The following MTMR12 variants were observed in gnomAD, a reference collection of about 807,000 sequenced individuals.
MTMR12 encodes myotubularin-related protein 12.
A neutral mutation model predicts 96.7 loss-of-function variants in MTMR12; 33 were observed. That is an observed-to-expected ratio of 0.34 (90% CI 0.26 to 0.46). The LOEUF is 0.46. Among genes scored for constraint, MTMR12 ranks in the 20% least tolerant of loss-of-function variants. The probability of loss-of-function intolerance (pLI) is 1.00; values close to 1 mark genes in which losing one functional copy is unlikely to be tolerated. For synonymous variants in MTMR12, 298 were observed against 327.2 expected, an observed-to-expected ratio of 0.91 and a Z score of 0.96; for missense variants, 721 against 896.1, an observed-to-expected ratio of 0.80 and a Z score of 2.49.
intron 1 of MTMR12, among the ~76,000 whole-genome samples, chr5:32,283,222 C>T (rs1455309869): frequency 6.6e-6 from 1 of 152,188 alleles, no homozygotes; most frequent in Non-Finnish European, 1.5e-5. Context: ...TTCTTAGTGG[C>T]ATTACAAATT....
Position 32,255,726 on chromosome 5 carries a change from C to G in MTMR12, c.756G>C (p.Glu252Asp). ...CATGACCCTGAAAGCGCTGCACATT[C>G]TCTTCAGGAAGAGGGGTGGGGACAA... ...YFVVPTPLPE[E>D]NVQRFQGHGI... is the part of the protein sequence containing the mutation. Residue 252 changes from glutamate (E) to aspartate (D), a missense_variant, in exon 8 of 16, where the codon GAG becomes GAC. Glu to Asp is a conservative substitution (Grantham distance 45, BLOSUM62 2). Coordinates refer to ENST00000382142, the MANE Select transcript of MTMR12 (RefSeq NM_001040446.3). The G allele has an allele frequency of 6.2e-7, 1 of 1,613,062 alleles. No homozygotes were observed. The highest frequency in any genetic ancestry group is 8.5e-7 in the Non-Finnish European group (1 of 1,179,678).
In MTMR12 at chr5:32,276,704, T is replaced by A. The variant is rs1414844559; in HGVS notation, c.120A>T (p.Glu40Asp). 1 of 1,613,842 alleles carries A rather than the reference T, an allele frequency of 6.2e-7. No individual in the cohort carries two copies. Among genetic ancestry groups the A allele is most frequent in the African/African-American group, 1.3e-5 (1 of 74,920 alleles). Residue 40 changes from glutamate (E) to aspartate (D), a missense_variant, in exon 2 of 16, where the codon GAA (glutamate) becomes GAT (aspartate). Coordinates refer to ENST00000382142, the MANE Select transcript of MTMR12 (RefSeq NM_001040446.3). ...HTNEKEVTEKEVTLHLLPGEQ... is the reference protein window; with the variant it reads ...HTNEKEVTEKDVTLHLLPGEQ... ...TACCTGGCAACAAGTGAAGAGTTAC[T>A]TCCTTCTCTGTTACTTCCTTTTCGT...
At chr5:32,246,039 T>C (rs377319868) in intron 10 of MTMR12, among the ~76,000 whole-genome samples, 6 of 152,346 alleles carry the variant, frequency 3.9e-5, no homozygotes, top group Admixed American at 3.3e-4. Flanking sequence ...GCCATGTTTC[T>C]TCTCCTGTTA....
rs1747898071 is a variant in MTMR12 at position 32,229,361 on chromosome 5, T to C, written c.*417A>G. The C allele has an allele frequency of 6.4e-6, 1 of 157,188 alleles. No individual in the cohort carries two copies. The highest frequency in any genetic ancestry group is 1.4e-5 in the Non-Finnish European group (1 of 71,268). The allele number at this position is 157,188 out of a possible 1,614,324, so 9.7% of individuals were successfully genotyped here. A position where few individuals can be genotyped will look rare whatever the true frequency, so the allele number is the denominator to read the frequency against. On this transcript the variant is annotated 3_prime_UTR_variant, in exon 16 of 16. Transcript: ENST00000382142. The stretch of plus-strand genomic sequence containing the variant: ...CATAAAGCTGAACTTGCTTCTATAA[T>C]TGAGATGGGTTACACAGAAACTTAC...
intron 8 of MTMR12, among the ~76,000 whole-genome samples, chr5:32,249,112 C>T (rs1393619497): frequency 6.6e-6 from 1 of 152,116 alleles, no homozygotes; most frequent in Admixed American, 6.5e-5. Flanking sequence ...TAACATATAC[C>T]TTTTGACTTA....
At chr5:32,268,485 G>A (rs937714322) in intron 6 of MTMR12, among the ~76,000 whole-genome samples, 2 of 149,794 alleles carry the variant, frequency 1.3e-5, no homozygotes, top group Non-Finnish European at 2.9e-5. Flanking sequence ...TTCAGCCTGG[G>A]CTACAAAGCG....
At chr5:32,302,529 C>T (rs1581648515) in intron 1 of MTMR12, among the ~76,000 whole-genome samples, 1 of 152,056 alleles carries the variant, frequency 6.6e-6, no homozygotes, top group East Asian at 1.9e-4. Context: ...CCAGCCTGAC[C>T]AACATGGTGA....
chr5:32,267,113 G>T (rs1215663660), intron 6 of MTMR12, among the ~76,000 whole-genome samples: 1 of 149,106 alleles, frequency 6.7e-6, no homozygotes, highest in Non-Finnish European at 1.5e-5. Context: ...ACGGGCCCTT[G>T]AACCTGTAAT....
intron 1 of MTMR12, among the ~76,000 whole-genome samples, chr5:32,291,979 C>T (rs932702197): frequency 1.3e-5 from 2 of 152,152 alleles, no homozygotes; most frequent in African/African-American, 4.8e-5. Flanking sequence ...CATGGACTCA[C>T]GGAATGCCTT....
chr5:32,299,809 T>C (rs1751069259), intron 1 of MTMR12, among the ~76,000 whole-genome samples: 1 of 152,202 alleles, frequency 6.6e-6, no homozygotes, highest in Non-Finnish European at 1.5e-5. Flanking sequence ...ACACCTTACA[T>C]AAGAGATGGG....
chr5:32,276,625 G>T (rs188904463), intron 2 of MTMR12, 57 bp downstream of exon 2: 3 of 1,424,008 alleles, frequency 2.1e-6, no homozygotes, highest in African/African-American at 1.4e-5. Context: ...TAGGGATGAT[G>T]TAATTTATCA....
chr5:32,238,143 C>CAAA (rs746835069), intron 13 of MTMR12, among the ~76,000 whole-genome samples: 2,520 of 58,624 alleles, frequency 0.043, 117 homozygotes, highest in Non-Finnish European at 0.061. Flanking sequence ...GACTCCGTCT[C>CAAA]AAAAAAAAAA....
intron 1 of MTMR12, among the ~76,000 whole-genome samples, chr5:32,301,211 C>A (rs1358658541): frequency 6.6e-6 from 1 of 152,140 alleles, no homozygotes; most frequent in Non-Finnish European, 1.5e-5. Flanking sequence ...CAAGAGAATA[C>A]ATTTGGGCAT....
intron 1 of MTMR12, among the ~76,000 whole-genome samples, chr5:32,285,011 C>A (rs1467333180): frequency 6.6e-6 from 1 of 152,214 alleles, no homozygotes; most frequent in Non-Finnish European, 1.5e-5. Context: ...AGGATCACAG[C>A]ACGTCCAGGT....
intron 3 of MTMR12, 93 bp downstream of exon 3, chr5:32,273,887 G>T (rs750690096): frequency 1.9e-6 from 3 of 1,540,172 alleles, no homozygotes; most frequent in East Asian, 2.3e-5. Context: ...TGTGTGTTAG[G>T]GGGTAGAGTA....
intron 7 of MTMR12, 142 bp downstream of exon 7, chr5:32,262,971 G>T: frequency 9.7e-7 from 1 of 1,035,654 alleles, no homozygotes; most frequent in East Asian, 2.6e-5. Flanking sequence ...ACAGCCAATG[G>T]GTATGGAGTT....
At chr5:32,256,716 T>C (rs1473709846) in intron 7 of MTMR12, among the ~76,000 whole-genome samples, 1 of 152,202 alleles carries the variant, frequency 6.6e-6, no homozygotes, top group East Asian at 1.9e-4. Flanking sequence ...TAAGTTACAA[T>C]GGAAAATAAT....
intron 7 of MTMR12, 52 bp from the exon 8 acceptor site, chr5:32,255,820 T>C (rs768851363): frequency 4.2e-5 from 62 of 1,471,802 alleles, no homozygotes; most frequent in Non-Finnish European, 4.5e-5. Flanking sequence ...ATTCACAAAA[T>C]ATGAAAGCTC....
chr5:32,299,509 A>G (rs1751053088), intron 1 of MTMR12, among the ~76,000 whole-genome samples: 1 of 152,216 alleles, frequency 6.6e-6, no homozygotes, highest in African/African-American at 2.4e-5. Flanking sequence ...TGGCATTGCC[A>G]TCTGTGCCTC....
Sources: allele counts gnomAD v4.1 joint callset (sites outside exome capture counted in the v4.1 genomes callset), GRCh38; gene constraint gnomAD v4.1.1; transcripts MANE v1.5; gene names NCBI Gene and HGNC (gene_info 2026-07-23, HGNC 2026-07-21).